Variants in RAB38 observed in about 807,000 individuals in gnomAD.
RAB38 encodes the protein ras-related protein Rab-38.
Under a neutral mutation model 18.4 loss-of-function variants are expected in RAB38, and 15 were observed. The observed-to-expected ratio is 0.82, with a 90% CI of 0.55 to 1.26. The LOEUF (loss-of-function observed/expected upper bound fraction) is 1.26, where lower values mean the gene tolerates loss of function less well. Ranked by LOEUF, RAB38 falls within the 50% of genes most tolerant of loss-of-function variation. RAB38 has a pLI of 0.00. For missense variants in RAB38, 294 were observed against 267.4 expected (o/e 1.10, Z -0.69); for synonymous variants, 101 against 104.4 (o/e 0.97, Z 0.20).
the RAB38 span, among the ~76,000 whole-genome samples, chr11:87,835,144 A>C: frequency 6.6e-6 from 1 of 152,212 alleles, no homozygotes; most frequent in Non-Finnish European, 1.5e-5. Flanking sequence ...TGGAGAAACG[A>C]ATGTATTGGG....
the RAB38 span, among the ~76,000 whole-genome samples, chr11:88,042,611 G>A: frequency 3.3e-5 from 5 of 152,306 alleles, no homozygotes; most frequent in South Asian, 1.0e-3. Flanking sequence ...GTAGATCTGT[G>A]TCAGCTGTCT....
the RAB38 span, among the ~76,000 whole-genome samples, chr11:87,828,797 T>C: frequency 6.6e-6 from 1 of 152,232 alleles, no homozygotes; most frequent in South Asian, 2.1e-4. Context: ...TGCCAAACAA[T>C]GTGCTTTAAA....
At chr11:87,885,191 G>A in the RAB38 span, among the ~76,000 whole-genome samples, 2 of 152,088 alleles carry the variant, frequency 1.3e-5, no homozygotes, top group East Asian at 2.0e-4. Flanking sequence ...TGTGTCAGGT[G>A]TGATCCTTAG....
the RAB38 span, among the ~76,000 whole-genome samples, chr11:88,100,721 A>G: frequency 3.3e-5 from 5 of 152,120 alleles, no homozygotes; most frequent in South Asian, 4.1e-4. Context: ...GAAAATTGTA[A>G]TAACACTTTG....
At chr11:88,118,261 T>C (rs1258134792) in intron 2 of RAB38, among the ~76,000 whole-genome samples, 2 of 152,208 alleles carry the variant, frequency 1.3e-5, no homozygotes, top group Non-Finnish European at 2.9e-5. Context: ...TTACTGGCAC[T>C]TCGAACCATA....
the RAB38 span, among the ~76,000 whole-genome samples, chr11:88,072,782 G>T: frequency 1.3e-5 from 2 of 151,760 alleles, no homozygotes; most frequent in African/African-American, 2.4e-5. Flanking sequence ...AATCAGTAAC[G>T]TATGCTTCTA....
the RAB38 span, among the ~76,000 whole-genome samples, chr11:87,843,802 A>G: frequency 5.7e-3 from 867 of 152,330 alleles, 8 homozygotes; most frequent in African/African-American, 0.02. Flanking sequence ...GTTCTAAGTC[A>G]AAGATTTATA....
At chr11:88,083,518 T>C in the RAB38 span, among the ~76,000 whole-genome samples, 1 of 151,890 alleles carries the variant, frequency 6.6e-6, no homozygotes, top group Non-Finnish European at 1.5e-5. Context: ...GCAAAACATT[T>C]ATTGTTTATT....
chr11:87,963,402 T>G, the RAB38 span, among the ~76,000 whole-genome samples: 2 of 152,158 alleles, frequency 1.3e-5, no homozygotes, highest in African/African-American at 4.8e-5. Flanking sequence ...GCATTTCTGT[T>G]GCCTATAATG....
the RAB38 span, among the ~76,000 whole-genome samples, chr11:87,882,951 C>G: frequency 6.6e-6 from 1 of 151,868 alleles, no homozygotes; most frequent in Non-Finnish European, 1.5e-5. Flanking sequence ...AAAGACAGCT[C>G]TGAGTTCCAA....
At chr11:87,850,030 C>T in the RAB38 span, among the ~76,000 whole-genome samples, 1 of 151,958 alleles carries the variant, frequency 6.6e-6, no homozygotes, top group African/African-American at 2.4e-5. Context: ...AAAGTTATAC[C>T]TTATGGGGCA....
chr11:88,014,035 T>C, the RAB38 span, among the ~76,000 whole-genome samples: 3 of 152,152 alleles, frequency 2.0e-5, no homozygotes, highest in East Asian at 1.9e-4. Flanking sequence ...AAGTGGGAGA[T>C]AGAAGACAAG....
the RAB38 span, among the ~76,000 whole-genome samples, chr11:87,863,617 C>G: frequency 2.7e-4 from 41 of 151,852 alleles, no homozygotes; most frequent in African/African-American, 9.4e-4. Flanking sequence ...TAAATAAAAA[C>G]CTGGAGACCT....
At chr11:87,903,450 C>T in the RAB38 span, among the ~76,000 whole-genome samples, 38 of 151,386 alleles carry the variant, frequency 2.5e-4, no homozygotes, top group Non-Finnish European at 4.3e-4. Context: ...TGTATCTTTG[C>T]GTTTGACTTA....
the RAB38 span, among the ~76,000 whole-genome samples, chr11:87,977,716 A>G: frequency 7.2e-5 from 7 of 97,744 alleles, no homozygotes; most frequent in African/African-American, 2.9e-4. Flanking sequence ...TTATATATTT[A>G]TATATTATAT....
chr11:88,007,001 G>T, the RAB38 span, among the ~76,000 whole-genome samples: 9 of 151,672 alleles, frequency 5.9e-5, no homozygotes, highest in African/African-American at 2.2e-4. Flanking sequence ...ATCTCACAAA[G>T]AAATAATAAA....
intron 1 of RAB38, among the ~76,000 whole-genome samples, chr11:88,165,375 T>C (rs1172606747): frequency 2.0e-5 from 3 of 152,116 alleles, no homozygotes; most frequent in Non-Finnish European, 2.9e-5. Context: ...ATCTCTATAG[T>C]AGGGTTAATA....
chr11:87,922,022 C>T, the RAB38 span, among the ~76,000 whole-genome samples: 1 of 151,898 alleles, frequency 6.6e-6, no homozygotes, highest in African/African-American at 2.4e-5. Context: ...AGCACCTGTA[C>T]CCTTTGTTCT....
the RAB38 span, among the ~76,000 whole-genome samples, chr11:87,974,052 C>T: frequency 6.6e-6 from 1 of 151,828 alleles, no homozygotes; most frequent in East Asian, 1.9e-4. Flanking sequence ...ATACCCCTAC[C>T]ATGTATCATC....
Sources: gnomAD v4.1 joint callset for allele counts (sites outside exome capture counted in the v4.1 genomes callset) on GRCh38, gnomAD v4.1.1 for gene constraint, MANE v1.5 for transcripts, NCBI Gene and HGNC (gene_info 2026-07-23, HGNC 2026-07-21) for gene names.